Variants in NPAS2 observed in about 807,000 individuals in gnomAD.
NPAS2 encodes neuronal PAS domain-containing protein 2.
NPAS2 carries 23 observed loss-of-function variants against 107.5 expected under a neutral mutation model. The observed-to-expected ratio is 0.21, with a 90% confidence interval of 0.15 to 0.30. The LOEUF is 0.30. Among genes scored for constraint, NPAS2 ranks in the 10% least tolerant of loss-of-function variants. The probability of loss-of-function intolerance (pLI) is 1.00; values close to 1 mark genes in which losing one functional copy is unlikely to be tolerated. For missense variants in NPAS2, 756 were observed against 1,043.3 expected (o/e 0.72, Z 3.79); for synonymous variants, 403 against 417.5 (o/e 0.97, Z 0.42).
intron 5 of NPAS2, among the ~76,000 whole-genome samples, chr2:100,946,000 C>T (rs765357999): frequency 5.9e-5 from 9 of 152,226 alleles, no homozygotes; most frequent in Non-Finnish European, 8.8e-5. Context: ...GCCCTGCTCT[C>T]CTGAAGCTCC....
At chr2:100,842,911 C>G (rs1331372923) in intron 1 of NPAS2, among the ~76,000 whole-genome samples, 1 of 152,094 alleles carries the variant, frequency 6.6e-6, no homozygotes, top group Admixed American at 6.6e-5. Context: ...CTAAGCTGTT[C>G]CTGAGAGGAG....
chr2:100,874,451 A>G (rs1429945284), intron 1 of NPAS2, among the ~76,000 whole-genome samples: 2 of 152,114 alleles, frequency 1.3e-5, no homozygotes, highest in Non-Finnish European at 2.9e-5. Flanking sequence ...ACTTAAAAAG[A>G]TAAAAATGGG....
chr2:100,966,072 C>T (rs1676193736), intron 10 of NPAS2, among the ~76,000 whole-genome samples: 1 of 152,026 alleles, frequency 6.6e-6, no homozygotes, highest in South Asian at 2.1e-4. Flanking sequence ...TTAAGTTATG[C>T]AATACATTTC....
Position 100,982,797 on chromosome 2 carries a change from C to T in NPAS2, c.1629+420C>T, listed in dbSNP as rs180701656. On this transcript the variant is annotated intron_variant, in intron 16 of 20. Transcript: ENST00000335681. The stretch of plus-strand genomic sequence containing the variant: ...AGCAGCTCTGTTGTTTCTCATCCAA[C>T]GCAGGCATCCAGGGAGATGTGGGAA... 9.2e-5 allele frequency: 17 copies of T among 185,558 alleles called. No individual in the cohort carries two copies. In the East Asian group the frequency reaches 9.4e-4, roughly 10 times the overall value. The allele number at this position is 185,558 out of a possible 1,614,324, so 11.5% of individuals were successfully genotyped here.
rs138318020 is a variant in NPAS2 at position 100,977,730 on chromosome 2, G to A, written c.1413G>A (p.Ser471=). ...CACAGGCCCCTCTGCCTTCCCCATC[G>A]TCCTGCGACCTCACACAGCAGCTCC... is the stretch of plus-strand genomic sequence containing the variant. ...ATMPAPLPSP[S]SCDLTQQLLP... The change falls in exon 15 of 21, where the codon TCG becomes TCA. Residue 471 remains serine (S), a synonymous_variant. Coordinates refer to ENST00000335681, the MANE Select transcript of NPAS2 (RefSeq NM_002518.4). 32 of 1,613,970 alleles carry A rather than the reference G, an allele frequency of 2.0e-5. No homozygotes were observed. The highest frequency in any genetic ancestry group is 1.7e-4 in the African/African-American group (13 of 74,910).
At chr2:100,915,519 C>G (rs1157801040) in intron 2 of NPAS2, among the ~76,000 whole-genome samples, 2 of 152,110 alleles carry the variant, frequency 1.3e-5, no homozygotes, top group Non-Finnish European at 2.9e-5. Context: ...TACCATAGAC[C>G]CTCAGGTCTG....
chr2:100,851,382 T>C (rs1382633776), intron 1 of NPAS2, among the ~76,000 whole-genome samples: 1 of 152,252 alleles, frequency 6.6e-6, no homozygotes, highest in Non-Finnish European at 1.5e-5. Context: ...GCATTGCTTA[T>C]GGCATGAGCA....
intron 1 of NPAS2, among the ~76,000 whole-genome samples, chr2:100,838,950 A>G (rs1440877253): frequency 1.3e-5 from 2 of 152,136 alleles, no homozygotes; most frequent in Non-Finnish European, 2.9e-5. Flanking sequence ...GGAATCACTT[A>G]TATGCAGCTT....
chr2:100,875,461 TACACACACACACACAC>T (rs56331462), intron 1 of NPAS2, among the ~76,000 whole-genome samples: 91 of 143,660 alleles, frequency 6.3e-4, no homozygotes, highest in East Asian at 8.3e-4. Flanking sequence ...ATTAAAAGCT[TACACACACACACACAC>T]ACACACACAC....
chr2:100,851,844 T>C (rs187406042), intron 1 of NPAS2, among the ~76,000 whole-genome samples: 6 of 152,204 alleles, frequency 3.9e-5, no homozygotes, highest in Admixed American at 3.9e-4. Flanking sequence ...TCTTCCGGGT[T>C]TTTGAATGAG....
chr2:100,899,905 T>G (rs1681664463), intron 1 of NPAS2, among the ~76,000 whole-genome samples: 1 of 151,716 alleles, frequency 6.6e-6, no homozygotes, highest in Non-Finnish European at 1.5e-5. Flanking sequence ...GTGGTGGGGG[T>G]GGTGGTGAAT....
intron 1 of NPAS2, among the ~76,000 whole-genome samples, chr2:100,838,643 GA>G (rs1209718718): frequency 2.0e-5 from 3 of 152,268 alleles, no homozygotes; most frequent in African/African-American, 7.2e-5. Context: ...ACCGGGGTCA[GA>G]AGACCCCTGG....
chr2:100,909,698 G>GA (rs750878429), intron 2 of NPAS2, among the ~76,000 whole-genome samples: 1 of 151,382 alleles, frequency 6.6e-6, no homozygotes, highest in South Asian at 2.1e-4. Flanking sequence ...CACACGGGGG[G>GA]AAAAAATGGC....
chr2:100,861,278 T>C (rs1678925028), intron 1 of NPAS2, among the ~76,000 whole-genome samples: 1 of 152,130 alleles, frequency 6.6e-6, no homozygotes, highest in African/African-American at 2.4e-5. Flanking sequence ...GAGGAGCACA[T>C]TGAAGAGAAG....
chr2:100,978,471 G>C (rs1288881007), intron 15 of NPAS2, among the ~76,000 whole-genome samples: 1 of 151,894 alleles, frequency 6.6e-6, no homozygotes, highest in Non-Finnish European at 1.5e-5. Flanking sequence ...TAGAAAGACT[G>C]AAAGGATCTA....
chr2:100,958,739 ATG>A (rs1163550473), intron 7 of NPAS2, among the ~76,000 whole-genome samples: 3 of 152,220 alleles, frequency 2.0e-5, no homozygotes, highest in African/African-American at 7.2e-5. Context: ...CGTGATAAAA[ATG>A]TGTGTGAGAT....
chr2:100,899,223 CTTTTTTTTT>C (rs368357697), intron 1 of NPAS2, among the ~76,000 whole-genome samples: 3 of 133,744 alleles, frequency 2.2e-5, no homozygotes, highest in Non-Finnish European at 4.8e-5. Flanking sequence ...TTATGGACTT[CTTTTTTTTT>C]TTTTTTTTTG....
rs548160076 is a variant in NPAS2, at chr2:100,974,204, C to T, written c.1141-599C>T. ...AAGCCACAGAGGATGGAAAAACGGT[C>T]CTTCGGAGTCAGACTGTCACAGCTG... On this transcript the variant is annotated intron_variant, in intron 12 of 20. Coordinates refer to ENST00000335681, the MANE Select transcript of NPAS2 (RefSeq NM_002518.4). 2.6e-5 allele frequency among the ~76,000 whole-genome samples: 4 copies of T among 152,308 alleles called. No individual in the cohort carries two copies. The South Asian group carries it at 8.3e-4, about 32-fold the overall frequency.
At chr2:100,990,969 C>A in intron 19 of NPAS2, 97 bp downstream of exon 19, 3 of 993,698 alleles carry the variant, frequency 3.0e-6, no homozygotes, top group Non-Finnish European at 3.1e-6. Flanking sequence ...CTCACATGAG[C>A]CTTGCGCTAA....
Sources: gnomAD v4.1 joint callset for allele counts (sites outside exome capture counted in the v4.1 genomes callset) on GRCh38, gnomAD v4.1.1 for gene constraint, MANE v1.5 for transcripts, NCBI Gene and HGNC (gene_info 2026-07-23, HGNC 2026-07-21) for gene names.